Variants in SWT1 observed in about 807,000 individuals in gnomAD.
SWT1 encodes the protein SWT1 RNA endoribonuclease homolog, also known as transcriptional protein SWT1.
A neutral mutation model predicts 107.3 loss-of-function variants in SWT1; 33 were observed. The ratio of observed to expected loss-of-function variants is 0.31; its 90% CI spans 0.23 to 0.41. The LOEUF (loss-of-function observed/expected upper bound fraction) is 0.41. Among genes scored for constraint, SWT1 ranks in the 10% least tolerant of loss-of-function variants. The probability of loss-of-function intolerance (pLI) is 1.00; values close to 1 mark genes in which losing one functional copy is unlikely to be tolerated. For synonymous variants in SWT1, 345 were observed against 348.3 expected, an observed-to-expected ratio of 0.99 and a Z score of 0.11; for missense variants, 898 against 1,028.9, an observed-to-expected ratio of 0.87 and a Z score of 1.74.
intron 13 of SWT1, among the ~76,000 whole-genome samples, chr1:185,208,630 T>C (rs1415565462): frequency 6.6e-6 from 1 of 152,180 alleles, no homozygotes; most frequent in Non-Finnish European, 1.5e-5. Flanking sequence ...TGTACAATTA[T>C]TATGTGTCAA....
intron 16 of SWT1, among the ~76,000 whole-genome samples, chr1:185,251,979 A>T (rs979930030): frequency 1.3e-5 from 2 of 150,650 alleles, no homozygotes; most frequent in Admixed American, 6.6e-5. Flanking sequence ...AGAGTGTGAT[A>T]TTCCCCTTCC....
intron 11 of SWT1, 134 bp downstream of exon 11, chr1:185,202,933 T>C: frequency 2.2e-6 from 1 of 462,140 alleles, no homozygotes; most frequent in African/African-American, 2.0e-5. Context: ...TGCTGGCATG[T>C]AAGTCATTGA....
chr1:185,227,326 C>T (rs996680478), intron 15 of SWT1: 19 of 736,382 alleles, frequency 2.6e-5, no homozygotes, highest in African/African-American at 1.2e-4. Flanking sequence ...TTGCCAGTCT[C>T]TTCCACTTGG....
rs1282436730 is a variant in SWT1 at position 185,227,263 on chromosome 1, A to G, written c.2310-4314A>G. 7 of 760,880 alleles carry G rather than the reference A, an allele frequency of 9.2e-6. 1 individual carries two copies. The highest frequency in any genetic ancestry group is 2.7e-5 in the South Asian group (2 of 74,484). The allele number at this position is 760,880 out of a possible 1,614,324, so 47.1% of individuals were successfully genotyped here. A position where few individuals can be genotyped will look rare whatever the true frequency, so the allele number is the denominator to read the frequency against. On this transcript the variant is annotated intron_variant, in intron 15 of 18. Transcript: ENST00000367500. ...GTAATTCTGGCAAGACCTGCATCCAAATAGCAGGTAAAGGCACCTGGCTGA... is the reference window on the plus strand; with the variant it reads ...GTAATTCTGGCAAGACCTGCATCCAGATAGCAGGTAAAGGCACCTGGCTGA...
At chr1:185,206,113 C>G (rs1433932631) in intron 12 of SWT1, among the ~76,000 whole-genome samples, 1 of 152,072 alleles carries the variant, frequency 6.6e-6, no homozygotes, top group Non-Finnish European at 1.5e-5. Flanking sequence ...TGTCTGCCAC[C>G]AGGCCCAGCT....
At chr1:185,217,430 A>T (rs1032393363) in intron 14 of SWT1, among the ~76,000 whole-genome samples, 1 of 152,162 alleles carries the variant, frequency 6.6e-6, no homozygotes, top group African/African-American at 2.4e-5. Context: ...CCCTATTGTG[A>T]ACTGTGCATA....
At chr1:185,245,709 G>C (rs1256661270) in intron 16 of SWT1, among the ~76,000 whole-genome samples, 7 of 152,020 alleles carry the variant, frequency 4.6e-5, no homozygotes, top group Non-Finnish European at 1.0e-4. Flanking sequence ...AAGTTACTAA[G>C]TGATAGGAAT....
chr1:185,168,118 A>G (rs2102317645), intron 3 of SWT1, among the ~76,000 whole-genome samples: 1 of 152,322 alleles, frequency 6.6e-6, no homozygotes, highest in East Asian at 1.9e-4. Context: ...ATCTATTTAC[A>G]GATGACAGAT....
intron 11 of SWT1, among the ~76,000 whole-genome samples, chr1:185,203,616 C>T (rs6677244): frequency 0.25 from 37,451 of 148,776 alleles, 4,984 homozygotes; most frequent in Non-Finnish European, 0.31. Flanking sequence ...AGCAAAACTC[C>T]GTCTCAGAAA....
chr1:185,240,340 T>G lies in SWT1; in HGVS notation c.2441+8632T>G, dbSNP rs553600188. On this transcript the variant is annotated intron_variant, in intron 16 of 18. Coordinates refer to ENST00000367500, the MANE Select transcript of SWT1 (RefSeq NM_017673.7). Reference sequence around the variant, plus strand: ...CATATGTGAGTTTCATGAACTGAAGTAGCTTTATTTGAAATGTTTGAGATA... The same window carrying G: ...CATATGTGAGTTTCATGAACTGAAGGAGCTTTATTTGAAATGTTTGAGATA... Among the ~76,000 whole-genome samples the G allele has an allele frequency of 2.8e-3, 431 of 152,218 alleles. 4 individuals are homozygous for G. Among genetic ancestry groups the G allele is most frequent in the African/African-American group, 9.9e-3 (413 of 41,568 alleles).
intron 16 of SWT1, among the ~76,000 whole-genome samples, chr1:185,261,283 A>T (rs975144043): frequency 6.6e-6 from 1 of 152,134 alleles, no homozygotes; most frequent in Non-Finnish European, 1.5e-5. Context: ...CTGGCTTATT[A>T]CACTTAGTGT....
intron 15 of SWT1, chr1:185,227,360 A>G (rs1232440835): frequency 1.4e-6 from 1 of 723,120 alleles, no homozygotes; most frequent in Admixed American, 1.7e-5. Context: ...TGTCCATGCC[A>G]AACCTATTGA....
intron 10 of SWT1, among the ~76,000 whole-genome samples, chr1:185,196,906 A>AATT (rs1238925010): frequency 6.6e-6 from 1 of 152,164 alleles, no homozygotes; most frequent in African/African-American, 2.4e-5. Context: ...AAATAGAGAC[A>AATT]ATTTGACTTC....
intron 5 of SWT1, among the ~76,000 whole-genome samples, chr1:185,179,203 A>G (rs1034983757): frequency 3.3e-5 from 5 of 152,074 alleles, no homozygotes; most frequent in Non-Finnish European, 7.4e-5. Flanking sequence ...CGGGAGGTGG[A>G]GGTTGTAGTG....
chr1:185,223,646 G>A (rs892346490), intron 15 of SWT1, among the ~76,000 whole-genome samples: 3 of 152,026 alleles, frequency 2.0e-5, no homozygotes, highest in Non-Finnish European at 4.4e-5. Flanking sequence ...AAGGTCTTTT[G>A]CCCATTTTTT....
chr1:185,266,485 T>G (rs1345647298), intron 16 of SWT1: 1 of 152,206 alleles, frequency 6.6e-6, no homozygotes, highest in Non-Finnish European at 1.5e-5. Flanking sequence ...AATTGAAAAT[T>G]TAGTCCATTT....
chr1:185,264,737 A>G (rs567048526), intron 16 of SWT1, among the ~76,000 whole-genome samples: 162 of 152,290 alleles, frequency 1.1e-3, no homozygotes, highest in Non-Finnish European at 1.9e-3. Context: ...CCATTATATT[A>G]TTATGTTTCA....
intron 16 of SWT1, chr1:185,258,161 A>G (rs945127348): frequency 1.3e-5 from 2 of 151,854 alleles, no homozygotes; most frequent in East Asian, 3.9e-4. Flanking sequence ...TTTCATTATT[A>G]TTGTTATTCT....
chr1:185,227,831 A>T, intron 15 of SWT1: 1 of 266,770 alleles, frequency 3.7e-6, no homozygotes, highest in South Asian at 4.0e-5. Context: ...CATGTCTGTA[A>T]TCCCAGCACT....
Sources: gnomAD v4.1 joint callset for allele counts (sites outside exome capture counted in the v4.1 genomes callset) on GRCh38, gnomAD v4.1.1 for gene constraint, MANE v1.5 for transcripts, NCBI Gene and HGNC (gene_info 2026-07-23, HGNC 2026-07-21) for gene names.